Variants in ADGRB3 observed in about 807,000 individuals in gnomAD.
ADGRB3 encodes the protein adhesion G protein-coupled receptor B3.
Under a neutral mutation model 193.4 loss-of-function variants are expected in ADGRB3, and 37 were observed. The observed-to-expected ratio is 0.19, with a 90% confidence interval of 0.15 to 0.25. The LOEUF is 0.25. Among genes scored for constraint, ADGRB3 ranks in the 10% least tolerant of loss-of-function variants. The probability of loss-of-function intolerance (pLI) is 1.00; values close to 1 mark genes in which losing one functional copy is unlikely to be tolerated. For synonymous variants in ADGRB3, 690 were observed against 644.2 expected (o/e 1.07, Z -1.08); for missense variants, 1,637 against 1,852.9 (o/e 0.88, Z 2.14).
At chr6:69,100,210 G>T (rs149278559) in intron 17 of ADGRB3, among the ~76,000 whole-genome samples, 1 of 151,842 alleles carries the variant, frequency 6.6e-6, no homozygotes, top group Non-Finnish European at 1.5e-5. Flanking sequence ...TAAATCATTC[G>T]GTCTACATCT....
At chr6:68,672,675 G>A (rs1012439511) in intron 3 of ADGRB3, among the ~76,000 whole-genome samples, 1 of 152,004 alleles carries the variant, frequency 6.6e-6, no homozygotes, top group Non-Finnish European at 1.5e-5. Context: ...GAGTTTGATA[G>A]TTAAGATTAT....
At chr6:68,999,945 C>G (rs890628392) in intron 11 of ADGRB3, among the ~76,000 whole-genome samples, 8 of 150,524 alleles carry the variant, frequency 5.3e-5, no homozygotes, top group African/African-American at 1.9e-4. Flanking sequence ...CTCTGAATAT[C>G]TAATTCAGAG....
intron 3 of ADGRB3, among the ~76,000 whole-genome samples, chr6:68,727,304 TGTG>T (rs1275460765): frequency 1.3e-5 from 2 of 151,636 alleles, no homozygotes; most frequent in East Asian, 3.9e-4. Flanking sequence ...TATTGTTTGT[TGTG>T]GTAATGATAT....
At chr6:68,992,831 G>A (rs1465009104) in intron 10 of ADGRB3, among the ~76,000 whole-genome samples, 1 of 152,084 alleles carries the variant, frequency 6.6e-6, no homozygotes, top group African/African-American at 2.4e-5. Context: ...TTCTTGATGG[G>A]AAATTGGTAA....
intron 3 of ADGRB3, among the ~76,000 whole-genome samples, chr6:68,712,646 G>C (rs1185515512): frequency 2.0e-5 from 3 of 151,810 alleles, no homozygotes; most frequent in African/African-American, 4.8e-5. Flanking sequence ...AAGAAAAACA[G>C]AGGGAAAAAT....
chr6:68,924,500 CG>C (rs1767126435), intron 3 of ADGRB3, among the ~76,000 whole-genome samples: 1 of 151,734 alleles, frequency 6.6e-6, no homozygotes, highest in African/African-American at 2.4e-5. Flanking sequence ...CTAAATATAC[CG>C]AATATATTTG....
At chr6:69,106,923 C>T (rs1773230855) in intron 17 of ADGRB3, among the ~76,000 whole-genome samples, 1 of 152,104 alleles carries the variant, frequency 6.6e-6, no homozygotes, top group South Asian at 2.1e-4. Context: ...TGAAAACCTG[C>T]CTAGTAGAAA....
chr6:68,684,137 C>G (rs573356278), intron 3 of ADGRB3, among the ~76,000 whole-genome samples: 5 of 152,112 alleles, frequency 3.3e-5, no homozygotes, highest in Non-Finnish European at 7.4e-5. Context: ...AGTTTTCAAT[C>G]TTTCTCTTGT....
chr6:68,917,483 AT>A (rs59170997), intron 3 of ADGRB3, among the ~76,000 whole-genome samples: 22,805 of 151,854 alleles, frequency 0.15, 1,873 homozygotes, highest in African/African-American at 0.21. Context: ...GATAATTACT[AT>A]TTTTTTTCCT....
At chr6:69,235,759 A>T (rs981689194) in intron 19 of ADGRB3, among the ~76,000 whole-genome samples, 1 of 152,008 alleles carries the variant, frequency 6.6e-6, no homozygotes, top group Non-Finnish European at 1.5e-5. Context: ...TTGAAATCAC[A>T]TCTACTGATA....
At chr6:69,036,477 T>C (rs1283873682) in intron 13 of ADGRB3, among the ~76,000 whole-genome samples, 1 of 152,084 alleles carries the variant, frequency 6.6e-6, no homozygotes, top group Non-Finnish European at 1.5e-5. Context: ...TGCACCAAAC[T>C]CACTATATGC....
chr6:69,265,567 T>C (rs776898095), intron 20 of ADGRB3, among the ~76,000 whole-genome samples: 57 of 151,998 alleles, frequency 3.8e-4, no homozygotes, highest in Non-Finnish European at 7.4e-4. Context: ...TAAATTGAAT[T>C]TGATTTAGAT....
chr6:69,096,365 T>G (rs1418850521), intron 17 of ADGRB3, among the ~76,000 whole-genome samples: 2 of 73,894 alleles, frequency 2.7e-5, no homozygotes, highest in East Asian at 0.018. Flanking sequence ...TGTTTTGGGT[T>G]TTTTTTTTTT....
intron 17 of ADGRB3, among the ~76,000 whole-genome samples, chr6:69,146,215 G>A (rs984157045): frequency 6.6e-6 from 1 of 152,188 alleles, no homozygotes; most frequent in Non-Finnish European, 1.5e-5. Flanking sequence ...CCAAAGTCTG[G>A]AGGGGTCTAA....
intron 3 of ADGRB3, among the ~76,000 whole-genome samples, chr6:68,696,381 T>C (rs1322909102): frequency 6.6e-6 from 1 of 151,614 alleles, no homozygotes; most frequent in Admixed American, 6.6e-5. Context: ...ATTTTTATAG[T>C]TTCCTGTATT....
chr6:68,936,493 A>T, intron 4 of ADGRB3, 26 bp from the exon 5 acceptor site: 1 of 1,609,242 alleles, frequency 6.2e-7, no homozygotes, highest in Non-Finnish European at 8.5e-7. Flanking sequence ...ACAGTATTTC[A>T]TGTTTATTTG....
At position 69,370,476 on chromosome 6, in the gene ADGRB3, G is replaced by T. The variant is rs1769684265; in HGVS notation, c.4240-1930G>T. On this transcript the variant is annotated intron_variant, in intron 29 of 31. Coordinates refer to ENST00000370598, the MANE Select transcript of ADGRB3 (RefSeq NM_001704.3). ...GTTTGTTTGATTTGTTCATTCCTTA[G>T]TCTAATCCTTCAAGACTGCCAGTTC... Among the ~76,000 whole-genome samples the T allele has an allele frequency of 3.3e-5, 5 of 152,110 alleles. No individual in the cohort carries two copies. The South Asian group carries it at 1.0e-3, about 32-fold the overall frequency.
intron 10 of ADGRB3, among the ~76,000 whole-genome samples, chr6:68,977,009 G>A (rs1048249026): frequency 6.8e-6 from 1 of 148,148 alleles, no homozygotes; most frequent in African/African-American, 2.5e-5. Flanking sequence ...CATATAATAT[G>A]CATTATATTG....
chr6:68,868,045 T>C (rs772288486), intron 3 of ADGRB3, among the ~76,000 whole-genome samples: 20 of 152,196 alleles, frequency 1.3e-4, no homozygotes, highest in Non-Finnish European at 2.1e-4. Flanking sequence ...GAAGGCATGA[T>C]TGTGTTTTGA....
Sources: gnomAD v4.1 joint callset for allele counts (sites outside exome capture counted in the v4.1 genomes callset) on GRCh38, gnomAD v4.1.1 for gene constraint, MANE v1.5 for transcripts, NCBI Gene and HGNC (gene_info 2026-07-23, HGNC 2026-07-21) for gene names.